CARMIL1: variants seen among roughly 807,000 people sequenced by gnomAD.
CARMIL1 encodes the protein F-actin-uncapping protein LRRC16A.
CARMIL1 carries 90 observed loss-of-function variants against 177.1 expected under a neutral mutation model. That is an observed-to-expected ratio of 0.51 (90% CI 0.43 to 0.61). The LOEUF is 0.61. Among genes scored for constraint, CARMIL1 ranks in the 20% least tolerant of loss-of-function variants. The probability of loss-of-function intolerance (pLI) is 0.00; values close to 1 mark genes in which losing one functional copy is unlikely to be tolerated. For missense variants in CARMIL1, 1,380 were observed against 1,667.0 expected (o/e 0.83, Z 3.00); for synonymous variants, 577 against 606.2 (o/e 0.95, Z 0.71).
At chr6:25,421,533 CAA>C (rs1795854216) in intron 3 of CARMIL1, among the ~76,000 whole-genome samples, 1 of 152,038 alleles carries the variant, frequency 6.6e-6, no homozygotes, top group Non-Finnish European at 1.5e-5. Context: ...GGTATATACC[CAA>C]AGGACTATAA....
intron 5 of CARMIL1, 40 bp downstream of exon 5, chr6:25,435,644 G>A (rs57541514): frequency 0.15 from 233,855 of 1,528,534 alleles, 18,604 homozygotes; most frequent in South Asian, 0.18. Context: ...CAAAGAACCT[G>A]TTCTTCCTCA....
intron 2 of CARMIL1, among the ~76,000 whole-genome samples, chr6:25,296,990 G>A (rs1351369641): frequency 2.6e-5 from 4 of 151,524 alleles, no homozygotes; most frequent in South Asian, 2.1e-4. Context: ...GTGGCATCTC[G>A]CTTTGTTGCT....
intron 4 of CARMIL1, 103 bp downstream of exon 4, chr6:25,426,663 A>G: frequency 7.4e-6 from 8 of 1,084,120 alleles, no homozygotes; most frequent in Non-Finnish European, 1.0e-5. Flanking sequence ...GTTAGGGAAG[A>G]TGAAATTTTT....
chr6:25,570,826 A>G (rs1467948066), intron 29 of CARMIL1, among the ~76,000 whole-genome samples: 1 of 152,200 alleles, frequency 6.6e-6, no homozygotes, highest in Non-Finnish European at 1.5e-5. Context: ...AAATCTCTAC[A>G]TATCATTCCT....
intron 8 of CARMIL1, among the ~76,000 whole-genome samples, chr6:25,459,164 C>T (rs935666316): frequency 4.0e-5 from 6 of 150,438 alleles, no homozygotes; most frequent in South Asian, 2.1e-4. Context: ...GGGAAGGTTT[C>T]GATTATTCTG....
At chr6:25,614,119 G>T (rs1411107644) in intron 36 of CARMIL1, among the ~76,000 whole-genome samples, 1 of 152,120 alleles carries the variant, frequency 6.6e-6, no homozygotes, top group African/African-American at 2.4e-5. Context: ...TTTGATATAG[G>T]TTTTAAAACA....
chr6:25,420,233 T>C, intron 3 of CARMIL1, 69 bp downstream of exon 3: 1 of 1,436,622 alleles, frequency 7.0e-7, no homozygotes. Flanking sequence ...TAGTCACTCA[T>C]GCATTCTTAC....
intron 8 of CARMIL1, among the ~76,000 whole-genome samples, chr6:25,451,162 G>A (rs1798875618): frequency 6.6e-6 from 1 of 151,760 alleles, no homozygotes; most frequent in Admixed American, 6.6e-5. Context: ...GTTTATCACT[G>A]TGGATGACTT....
At chr6:25,442,168 G>T (rs886783628) in intron 5 of CARMIL1, among the ~76,000 whole-genome samples, 1 of 151,482 alleles carries the variant, frequency 6.6e-6, no homozygotes, top group African/African-American at 2.4e-5. Flanking sequence ...CAATTAGTGT[G>T]AGTACATTAA....
intron 13 of CARMIL1, among the ~76,000 whole-genome samples, chr6:25,489,818 G>T (rs1200549263): frequency 6.6e-6 from 1 of 151,694 alleles, no homozygotes; most frequent in African/African-American, 2.4e-5. Context: ...CCATTTTCCA[G>T]TTTCAGTTGT....
intron 17 of CARMIL1, among the ~76,000 whole-genome samples, chr6:25,507,154 A>G (rs1804992230): frequency 6.6e-6 from 1 of 152,234 alleles, no homozygotes; most frequent in Non-Finnish European, 1.5e-5. Flanking sequence ...ACATGCACAC[A>G]TGCAGACAGC....
rs560144563 is a variant in CARMIL1 at position 25,577,821 on chromosome 6, G to C, written c.2743-3103G>C. ...GAGTAATGTAGGCATTGATGCTTTT[G>C]GATTCTCAGAAAATAGAGTTGTGGC... is the stretch of plus-strand genomic sequence containing the variant. On this transcript the variant is annotated intron_variant, in intron 29 of 36. Coordinates refer to ENST00000329474, the MANE Select transcript of CARMIL1 (RefSeq NM_017640.6). This position sits in a 1 kb window ranked among gnomAD's most constrained non-coding sequence, Gnocchi z 4.5. Among the ~76,000 whole-genome samples, 1 of 152,040 alleles carries C rather than the reference G, an allele frequency of 6.6e-6. No homozygotes were observed. Among genetic ancestry groups the C allele is most frequent in the Non-Finnish European group, 1.5e-5 (1 of 68,000 alleles).
chr6:25,307,752 C>T (rs1406677979), intron 2 of CARMIL1, among the ~76,000 whole-genome samples: 8 of 152,128 alleles, frequency 5.3e-5, no homozygotes, highest in East Asian at 1.9e-4. Flanking sequence ...AGTTCTGTGC[C>T]GTGTTAGTCT....
intron 16 of CARMIL1, among the ~76,000 whole-genome samples, chr6:25,497,565 C>G (rs1239699990): frequency 1.3e-5 from 2 of 152,124 alleles, no homozygotes; most frequent in Non-Finnish European, 2.9e-5. Flanking sequence ...AGGAAGAACC[C>G]AGAGGGGGTT....
intron 11 of CARMIL1, among the ~76,000 whole-genome samples, chr6:25,474,305 T>TG (rs1397097655): frequency 6.6e-6 from 1 of 151,324 alleles, no homozygotes; most frequent in Non-Finnish European, 1.5e-5. Flanking sequence ...TTAGTAGAGA[T>TG]GGGGTTTCAC....
At chr6:25,495,268 C>A in intron 16 of CARMIL1, 53 bp downstream of exon 16, 3 of 1,252,712 alleles carry the variant, frequency 2.4e-6, no homozygotes, top group South Asian at 1.4e-5. Context: ...CTTATTTTTA[C>A]GAATGTGCTT....
chr6:25,340,011 C>T (rs531828061), intron 2 of CARMIL1, among the ~76,000 whole-genome samples: 123 of 152,292 alleles, frequency 8.1e-4, no homozygotes, highest in African/African-American at 2.5e-3. Context: ...GCATTGTTGT[C>T]GAGCATGAAG....
intron 2 of CARMIL1, among the ~76,000 whole-genome samples, chr6:25,362,005 A>T (rs911194259): frequency 2.6e-5 from 4 of 152,198 alleles, no homozygotes; most frequent in East Asian, 1.9e-4. Context: ...GAAAGAAAAA[A>T]TTTTAAAAAA....
chr6:25,386,956 C>G (rs1032047428), intron 2 of CARMIL1, among the ~76,000 whole-genome samples: 5 of 151,626 alleles, frequency 3.3e-5, no homozygotes, highest in African/African-American at 1.2e-4. Flanking sequence ...CATGGTGAAA[C>G]CCCATCTCCA....
Sources: allele counts gnomAD v4.1 joint callset (sites outside exome capture counted in the v4.1 genomes callset), GRCh38; gene constraint gnomAD v4.1.1; non-coding constraint Gnocchi (gnomAD v3.1); transcripts MANE v1.5; gene names NCBI Gene and HGNC (gene_info 2026-07-23, HGNC 2026-07-21).